The following DOK7 variants were observed in gnomAD, a reference collection of about 807,000 sequenced individuals.
The protein encoded by DOK7 is docking protein 7, also known as protein Dok-7.
In DOK7, 32 loss-of-function variants were observed where a neutral mutation model predicts 30.7. That is an observed-to-expected ratio of 1.04 (90% confidence interval 0.79 to 1.40). The LOEUF is 1.40. Ranked by LOEUF, DOK7 falls within the 40% of genes most tolerant of loss-of-function variation. The probability of loss-of-function intolerance (pLI) is 0.00; values close to 1 mark genes in which losing one functional copy is unlikely to be tolerated. For synonymous variants in DOK7, 447 were observed against 324.1 expected, an observed-to-expected ratio of 1.38 and a Z score of -4.07; for missense variants, 1,007 against 699.2, an observed-to-expected ratio of 1.44 and a Z score of -4.97.
At chr4:3,485,709 C>A in intron 5 of DOK7, 51 bp downstream of exon 5, 1 of 1,468,734 alleles carries the variant, frequency 6.8e-7, no homozygotes, top group Non-Finnish European at 9.1e-7. Context: ...GCAGGCTGTG[C>A]GACGTCCCGG....
chr4:3,500,435 A>G, intron 7 of DOK7: 5 of 1,533,482 alleles, frequency 3.3e-6, no homozygotes, highest in Middle Eastern at 1.8e-4. Flanking sequence ...AGGCACTGAC[A>G]ATTGGGGGCT....
At position 3,489,775 on chromosome 4, in the gene DOK7, GCGGGCAGGC is replaced by G. The variant is rs373384998; in HGVS notation, c.759_767del (p.Arg253_Gly255del). ...GAAGCGGCTGAGCCTCCTCTCACAT[GCGGGCAGGC>G]CGGGCAGTGGAGGTAGGGCCGGGGG... On this transcript the variant is annotated inframe_deletion, in exon 6 of 7. Coordinates refer to ENST00000340083, the MANE Select transcript of DOK7 (RefSeq NM_173660.5). 1.3e-5 allele frequency: 20 copies of G among 1,574,154 alleles called. 1 individual carries two copies. The East Asian group carries it at 4.0e-4, about 31-fold the overall frequency.
Position 3,493,342 on chromosome 4 carries a change from GGGCCTGGTGATGGA to G in DOK7, c.1361_1374del (p.Leu454ProfsTer60). The G allele has an allele frequency of 6.3e-7, 1 of 1,599,580 alleles. No homozygotes were observed. ...CTGGCTGGCTGGGCACGAGACGGCG[GGGCCTGGTGATGGA>G]GGCCCCCCAGGGCAGCGAGGCCACA... is the stretch of plus-strand genomic sequence containing the variant. On this transcript the variant is annotated frameshift_variant, in exon 7 of 7. Transcript: ENST00000340083. LOFTEE classifies it high-confidence loss of function.
At chr4:3,465,194 G>A (rs1726199579) in intron 2 of DOK7, among the ~76,000 whole-genome samples, 4 of 152,168 alleles carry the variant, frequency 2.6e-5, no homozygotes, top group East Asian at 1.9e-4. Context: ...CCCAGAGGTC[G>A]GTCAGATGAG....
At chr4:3,501,078 G>C in exon 8 of DOK7, 1 of 532,662 alleles carries the variant, frequency 1.9e-6, no homozygotes, top group Non-Finnish European at 3.2e-6. Context: ...GGCTGACTGA[G>C]GCCCTGCTTC....
chr4:3,476,587 C>G, intron 4 of DOK7, 45 bp downstream of exon 4: 3 of 1,610,892 alleles, frequency 1.9e-6, no homozygotes, highest in East Asian at 2.2e-5. Flanking sequence ...CAGCACCCCC[C>G]ACTTCCCCTG....
chr4:3,463,544 C>T lies in DOK7; in HGVS notation c.93C>T (p.Pro31=), dbSNP rs1410507639. The T allele has an allele frequency of 9.7e-6, 8 of 822,216 alleles. No individual in the cohort carries two copies. Among genetic ancestry groups the T allele is most frequent in the East Asian group, 6.6e-5 (1 of 15,050 alleles). The allele number at this position is 822,216 out of a possible 1,614,324, so 50.9% of individuals were successfully genotyped here. The change falls in exon 2 of 7, where the codon CCC becomes CCT. Residue 31 remains proline (P), a synonymous_variant. Coordinates refer to ENST00000340083, the MANE Select transcript of DOK7 (RefSeq NM_173660.5). ...SRWLVLRKPS[P]VADCLLMLVY... ...GGCTGGTGCTGCGGAAGCCGTCGCC[C>T]GTGGCAGGTGAGCGGGGCGGGCGGG...
At chr4:3,496,789 G>C (rs557827524), downstream of DOK7, 3 of 1,535,878 alleles carry the variant, frequency 2.0e-6, no homozygotes, top group East Asian at 7.3e-5. Flanking sequence ...AAGACTGAAG[G>C]ATGCACTGAC....
chr4:3,465,726 GT>G (rs1726224954), intron 2 of DOK7, among the ~76,000 whole-genome samples: 1 of 152,252 alleles, frequency 6.6e-6, no homozygotes, highest in African/African-American at 2.4e-5. Flanking sequence ...CTGCCTCGGT[GT>G]GGGACTGCAG....
chr4:3,465,934 C>T lies in DOK7; in HGVS notation c.100+2383C>T, dbSNP rs557121741. 4.6e-5 allele frequency among the ~76,000 whole-genome samples: 7 copies of T among 152,292 alleles called. No individual in the cohort carries two copies. The East Asian group carries it at 5.8e-4, about 13-fold the overall frequency. ...GCCCCTCTCTTCTTCCTCCCAGGTG[C>T]GGGGGCTGGGGGTGGTGAGGAAAGT... On this transcript the variant is annotated intron_variant, in intron 2 of 6. Coordinates refer to ENST00000340083, the MANE Select transcript of DOK7 (RefSeq NM_173660.5).
In DOK7 at chr4:3,473,625, C is replaced by T. The variant is rs375503613; in HGVS notation, c.320C>T (p.Ala107Val). The change falls in exon 3 of 7, where the codon GCG becomes GTG. Residue 107 changes from alanine (A) to valine (V), a missense_variant. By Grantham distance (64) the Ala-to-Val change is moderately conservative (BLOSUM62 0). Transcript: ENST00000340083. ...MCAWDARIRY[A>V]LGEVHRFHVT... ...GCGTGGGATGCCCGGATCCGCTATG[C>T]GCTCGGCGAGGGTGAGTGACGGGGG... The T allele has an allele frequency of 1.5e-5, 24 of 1,574,206 alleles. No homozygotes were observed. The highest frequency in any genetic ancestry group is 5.7e-5 in the South Asian group (5 of 88,212).
chr4:3,490,994 T>C (rs1728351122), intron 6 of DOK7, among the ~76,000 whole-genome samples: 1 of 94,280 alleles, frequency 1.1e-5, no homozygotes, highest in Non-Finnish European at 2.4e-5. Context: ...TGCTCATTCA[T>C]TCCTTCCTTC....
intron 6 of DOK7, among the ~76,000 whole-genome samples, chr4:3,491,407 C>CTCCTTCA (rs1553849541): frequency 8.5e-6 from 1 of 117,772 alleles, no homozygotes; most frequent in African/African-American, 3.2e-5. Context: ...CTCACCCCAG[C>CTCCTTCA]TTCCTTCTTT....
At chr4:3,469,591 G>A (rs941535962) in intron 2 of DOK7, among the ~76,000 whole-genome samples, 8 of 152,100 alleles carry the variant, frequency 5.3e-5, no homozygotes, top group Non-Finnish European at 1.2e-4. Context: ...GGCGCCCGGG[G>A]AGCTGGCCAG....
At position 3,476,265 on chromosome 4, in the gene DOK7, GCCCTCTCACCCCACCCGCCC is replaced by G. The variant is rs1727074145; in HGVS notation, c.332-76_332-57del. The G allele has an allele frequency of 3.1e-5, 12 of 389,008 alleles. 3 individuals are homozygous for G. The East Asian group carries it at 4.5e-4, about 15-fold the overall frequency. 24.1% of individuals were successfully genotyped at this position (389,008 alleles called of 1,614,324 possible). A position where few individuals can be genotyped will look rare whatever the true frequency, so the allele number is the denominator to read the frequency against. ...CCCTCTCACCCCACCCGCCCGTGAT[GCCCTCTCACCCCACCCGCCC>G]GTGATGTCCTCTCACCCTGCCCGCC... On this transcript the variant is annotated intron_variant, in intron 3 of 6. Coordinates refer to ENST00000340083, the MANE Select transcript of DOK7 (RefSeq NM_173660.5).
At chr4:3,470,031 A>C (rs1726669918) in intron 2 of DOK7, among the ~76,000 whole-genome samples, 1 of 151,600 alleles carries the variant, frequency 6.6e-6, no homozygotes, top group Non-Finnish European at 1.5e-5. Context: ...AAACAATGAG[A>C]ATTCACCCAC....
chr4:3,466,114 G>T (rs140454436), intron 2 of DOK7, among the ~76,000 whole-genome samples: 1 of 151,630 alleles, frequency 6.6e-6, no homozygotes, highest in South Asian at 2.1e-4. Context: ...TCACCATGGT[G>T]GGGGGAAGCT....
chr4:3,463,453 G>GGC lies in DOK7; in HGVS notation c.54+25_54+26insCG, dbSNP rs906657133. On this transcript the variant is annotated intron_variant, in intron 1 of 6. Coordinates refer to ENST00000340083, the MANE Select transcript of DOK7 (RefSeq NM_173660.5). ...AGGTCGGGGCGCGTCGGGGGCGCGG[G>GGC]GGGGGGGGGCGCGGGCGCGGGCGGC... 7.7e-5 allele frequency: 85 copies of GGC among 1,104,260 alleles called. 1 individual carries two copies. The African/African-American group carries it at 1.1e-3, about 14-fold the overall frequency. 68.4% of individuals were successfully genotyped at this position (1,104,260 alleles called of 1,614,324 possible).
In DOK7 at chr4:3,490,498, TC is replaced by T. The variant is rs565212591; in HGVS notation, c.772+707del. Among the ~76,000 whole-genome samples, 27 of 110,960 alleles carry T rather than the reference TC, an allele frequency of 2.4e-4. No individual in the cohort carries two copies. In the South Asian group the frequency reaches 7.4e-3, roughly 30 times the overall value. The allele number at this position is 110,960 out of a possible 152,430, so 72.8% of individuals were successfully genotyped here. A position where few individuals can be genotyped will look rare whatever the true frequency, so the allele number is the denominator to read the frequency against. On this transcript the variant is annotated intron_variant, in intron 6 of 6. Coordinates refer to ENST00000340083, the MANE Select transcript of DOK7 (RefSeq NM_173660.5). The stretch of plus-strand genomic sequence containing the variant: ...CCTCTGCTCATTCATTCCTTCCTTT[TC>T]CCCCTGCTCATTCTTTCCTTCACCC...
Sources: allele counts gnomAD v4.1 joint callset (sites outside exome capture counted in the v4.1 genomes callset), GRCh38; gene constraint gnomAD v4.1.1; transcripts MANE v1.5; gene names NCBI Gene and HGNC (gene_info 2026-07-23, HGNC 2026-07-21).